Variants in FMNL2 observed in about 807,000 individuals in gnomAD.
FMNL2 encodes the protein formin-like protein 2.
A neutral mutation model predicts 130.2 loss-of-function variants in FMNL2; 51 were observed. The ratio of observed to expected loss-of-function variants is 0.39; its 90% CI spans 0.31 to 0.49. The LOEUF (loss-of-function observed/expected upper bound fraction) is 0.49. Among genes scored for constraint, FMNL2 ranks in the 20% least tolerant of loss-of-function variants. FMNL2 has a pLI of 0.85. For missense variants in FMNL2, 977 were observed against 1,316.2 expected, an observed-to-expected ratio of 0.74 and a Z score of 3.99; for synonymous variants, 465 against 467.1, an observed-to-expected ratio of 1.00 and a Z score of 0.06.
chr2:152,571,640 C>A (rs547733814), intron 6 of FMNL2, among the ~76,000 whole-genome samples: 4 of 152,182 alleles, frequency 2.6e-5, no homozygotes, highest in Non-Finnish European at 5.9e-5. Flanking sequence ...AAAGCTCAGG[C>A]CTTTGTAGAA....
chr2:152,633,272 T>A (rs1477463777), intron 21 of FMNL2, among the ~76,000 whole-genome samples: 1 of 152,078 alleles, frequency 6.6e-6, no homozygotes, highest in Non-Finnish European at 1.5e-5. Flanking sequence ...ATTTTTAAAA[T>A]TTTTGTAGAG....
At chr2:152,402,175 T>G (rs570308649) in intron 1 of FMNL2, among the ~76,000 whole-genome samples, 3 of 152,258 alleles carry the variant, frequency 2.0e-5, no homozygotes, top group African/African-American at 7.2e-5. Flanking sequence ...GTGCTGAGAT[T>G]ACAGGCGTGA....
intron 9 of FMNL2, among the ~76,000 whole-genome samples, chr2:152,583,596 A>G (rs915019128): frequency 6.6e-6 from 1 of 152,108 alleles, no homozygotes; most frequent in African/African-American, 2.4e-5. Flanking sequence ...ACCCATTTTT[A>G]CCTCAAATAA....
At chr2:152,602,452 G>A (rs1309737468) in intron 9 of FMNL2, among the ~76,000 whole-genome samples, 1 of 152,204 alleles carries the variant, frequency 6.6e-6, no homozygotes, top group Admixed American at 6.5e-5. Context: ...TGATAGGGCA[G>A]TCCAGTGCAC....
At chr2:152,500,558 A>T (rs555826780) in intron 1 of FMNL2, among the ~76,000 whole-genome samples, 89 of 152,304 alleles carry the variant, frequency 5.8e-4, no homozygotes, top group African/African-American at 2.1e-3. Context: ...ATGCCTTAAA[A>T]TGAGCATCAA....
At chr2:152,500,154 G>GTTGTT (rs1160973168) in intron 1 of FMNL2, among the ~76,000 whole-genome samples, 3 of 152,116 alleles carry the variant, frequency 2.0e-5, no homozygotes, top group Non-Finnish European at 4.4e-5. Context: ...AAGAGAACAT[G>GTTGTT]TTGTTATAGG....
At chr2:152,574,434 CAAAA>C (rs57776446) in intron 6 of FMNL2, among the ~76,000 whole-genome samples, 164 of 106,956 alleles carry the variant, frequency 1.5e-3, no homozygotes, top group African/African-American at 2.8e-3. Flanking sequence ...GACTCTGTCT[CAAAA>C]AAAAAAAAAA....
intron 1 of FMNL2, among the ~76,000 whole-genome samples, chr2:152,452,171 C>T (rs77679560): frequency 0.066 from 10,005 of 152,108 alleles, 583 homozygotes; most frequent in Admixed American, 0.21. Context: ...TCCCCATCCC[C>T]GAAAGACAGT....
chr2:152,547,433 C>T (rs1332902973), intron 3 of FMNL2, among the ~76,000 whole-genome samples: 1 of 152,212 alleles, frequency 6.6e-6, no homozygotes, highest in Non-Finnish European at 1.5e-5. Flanking sequence ...CTACTTCTTA[C>T]TATACCTGGA....
At chr2:152,598,447 G>A (rs919637070) in intron 9 of FMNL2, among the ~76,000 whole-genome samples, 5 of 152,182 alleles carry the variant, frequency 3.3e-5, no homozygotes, top group African/African-American at 1.2e-4. Flanking sequence ...CCAGCACTTT[G>A]GGAGGCTGCG....
chr2:152,541,913 C>G (rs1202557917), intron 2 of FMNL2, among the ~76,000 whole-genome samples: 1 of 151,838 alleles, frequency 6.6e-6, no homozygotes, highest in Admixed American at 6.6e-5. Flanking sequence ...TGGCTTCTAC[C>G]CAGGTTTTTA....
At chr2:152,495,424 C>T (rs963198335) in intron 1 of FMNL2, among the ~76,000 whole-genome samples, 4 of 151,682 alleles carry the variant, frequency 2.6e-5, no homozygotes, top group African/African-American at 9.7e-5. Context: ...TTGAGATGGG[C>T]GGATCACTTG....
intron 1 of FMNL2, among the ~76,000 whole-genome samples, chr2:152,481,565 G>A (rs1203791988): frequency 6.6e-6 from 1 of 152,180 alleles, no homozygotes; most frequent in African/African-American, 2.4e-5. Flanking sequence ...CCCAGGCACT[G>A]GTAGTTTTTT....
intron 9 of FMNL2, among the ~76,000 whole-genome samples, chr2:152,589,840 A>G (rs1697287976): frequency 2.7e-5 from 4 of 149,020 alleles, no homozygotes; most frequent in Middle Eastern, 3.3e-3. Flanking sequence ...CTGCTCTTCT[A>G]CTCCCTCACT....
chr2:152,479,665 G>A (rs987595779), intron 1 of FMNL2, among the ~76,000 whole-genome samples: 4 of 147,736 alleles, frequency 2.7e-5, no homozygotes, highest in African/African-American at 1.0e-4. Context: ...AAGTACATTG[G>A]CTTTAAAATA....
intron 1 of FMNL2, among the ~76,000 whole-genome samples, chr2:152,427,278 G>A (rs937543959): frequency 2.0e-5 from 3 of 152,196 alleles, no homozygotes; most frequent in Non-Finnish European, 2.9e-5. Context: ...TGGGTGTGGT[G>A]GCTCACACCT....
At chr2:152,595,981 T>A (rs1036699302) in intron 9 of FMNL2, among the ~76,000 whole-genome samples, 7 of 143,220 alleles carry the variant, frequency 4.9e-5, no homozygotes, top group South Asian at 2.2e-4. Context: ...TTTTTTTTTT[T>A]AGACCAAGTC....
intron 1 of FMNL2, among the ~76,000 whole-genome samples, chr2:152,436,016 T>G (rs776491469): frequency 1.3e-5 from 2 of 150,126 alleles, no homozygotes; most frequent in Non-Finnish European, 2.9e-5. Context: ...CATAAAACAT[T>G]GTTTATACCA....
intron 1 of FMNL2, among the ~76,000 whole-genome samples, chr2:152,396,983 C>A (rs1251895286): frequency 6.6e-6 from 1 of 152,164 alleles, no homozygotes; most frequent in Non-Finnish European, 1.5e-5. Flanking sequence ...TTCACTATTC[C>A]ATGAATTTGT....
Sources: gnomAD v4.1 joint callset for allele counts (sites outside exome capture counted in the v4.1 genomes callset) on GRCh38, gnomAD v4.1.1 for gene constraint, MANE v1.5 for transcripts, NCBI Gene and HGNC (gene_info 2026-07-23, HGNC 2026-07-21) for gene names.